AKAP6: variants seen among roughly 807,000 people sequenced by gnomAD.
AKAP6 encodes the protein A-kinase anchoring protein 6.
AKAP6 carries 58 observed loss-of-function variants against 188.5 expected under a neutral mutation model. The ratio of observed to expected loss-of-function variants is 0.31; its 90% CI spans 0.25 to 0.38. The LOEUF is 0.38. AKAP6 is among the 10% of genes least tolerant of loss of function. The probability of loss-of-function intolerance (pLI) is 1.00; values close to 1 mark genes in which losing one functional copy is unlikely to be tolerated. For missense variants in AKAP6, 2,710 were observed against 2,740.0 expected, an observed-to-expected ratio of 0.99 and a Z score of 0.24; for synonymous variants, 989 against 998.6, an observed-to-expected ratio of 0.99 and a Z score of 0.18.
intron 2 of AKAP6, among the ~76,000 whole-genome samples, chr14:32,466,659 A>G (rs899568659): frequency 1.3e-5 from 2 of 150,658 alleles, no homozygotes; most frequent in East Asian, 3.9e-4. Flanking sequence ...GGGTTGATAC[A>G]TGCAGCAAAC....
chr14:32,752,334 G>C (rs1031206336), intron 11 of AKAP6, among the ~76,000 whole-genome samples: 2 of 152,112 alleles, frequency 1.3e-5, no homozygotes, highest in Admixed American at 1.3e-4. Context: ...AGAGCAGGAG[G>C]GTGGTCTTGC....
At chr14:32,360,596 A>C (rs1007759803) in intron 1 of AKAP6, among the ~76,000 whole-genome samples, 9 of 151,904 alleles carry the variant, frequency 5.9e-5, no homozygotes, top group African/African-American at 2.2e-4. Flanking sequence ...TTATTTATTC[A>C]ATCGTTTATA....
intron 7 of AKAP6, among the ~76,000 whole-genome samples, chr14:32,623,461 C>T (rs986519455): frequency 6.6e-6 from 1 of 152,134 alleles, no homozygotes; most frequent in South Asian, 2.1e-4. Flanking sequence ...CATCCCCCTA[C>T]TTCTTACCCA....
intron 7 of AKAP6, among the ~76,000 whole-genome samples, chr14:32,619,449 T>C (rs1245535315): frequency 6.6e-6 from 1 of 152,212 alleles, no homozygotes; most frequent in African/African-American, 2.4e-5. Flanking sequence ...CAATTTATGT[T>C]TTTGAATGCT....
intron 7 of AKAP6, among the ~76,000 whole-genome samples, chr14:32,613,269 T>C (rs938037328): frequency 2.0e-5 from 3 of 152,214 alleles, no homozygotes; most frequent in South Asian, 2.1e-4. Context: ...ATTAGATAGA[T>C]GACGAGCAAA....
intron 3 of AKAP6, 133 bp downstream of exon 3, chr14:32,535,938 A>AC: frequency 5.2e-6 from 7 of 1,334,460 alleles, no homozygotes; most frequent in Non-Finnish European, 7.1e-6. Flanking sequence ...GAATCTAGGC[A>AC]TAGTGACTAG....
At position 32,776,363 on chromosome 14, in the gene AKAP6, C is replaced by T. The variant is rs1295764218; in HGVS notation, c.3588+2470C>T. On this transcript the variant is annotated intron_variant, in intron 12 of 13. Transcript: ENST00000280979. The stretch of plus-strand genomic sequence containing the variant: ...ATCTGATGGTTTTATAAGGGGAAAC[C>T]CCTTTCACTTGGTTGTCATTCTCTC... Among the ~76,000 whole-genome samples the T allele has an allele frequency of 3.3e-5, 5 of 152,078 alleles. No homozygotes were observed. In the South Asian group the frequency reaches 6.2e-4, roughly 19 times the overall value.
At chr14:32,341,038 C>T (rs527606081) in intron 1 of AKAP6, among the ~76,000 whole-genome samples, 3 of 152,228 alleles carry the variant, frequency 2.0e-5, no homozygotes, top group African/African-American at 7.2e-5. Context: ...TTATATTTCA[C>T]ACTTGTGTGT....
At chr14:32,406,446 G>A (rs1462686290) in intron 1 of AKAP6, among the ~76,000 whole-genome samples, 1 of 152,124 alleles carries the variant, frequency 6.6e-6, no homozygotes, top group Non-Finnish European at 1.5e-5. Flanking sequence ...CTGACCTCGT[G>A]ATCTGCCCAC....
intron 7 of AKAP6, among the ~76,000 whole-genome samples, chr14:32,655,119 G>A (rs1197853615): frequency 6.6e-6 from 1 of 152,116 alleles, no homozygotes; most frequent in Admixed American, 6.5e-5. Flanking sequence ...TTGACTATCA[G>A]GAGACGAGTG....
chr14:32,790,770 C>A (rs966087068), intron 12 of AKAP6, among the ~76,000 whole-genome samples: 2 of 151,942 alleles, frequency 1.3e-5, no homozygotes, highest in African/African-American at 4.8e-5. Context: ...TATCCCCTTG[C>A]CCCCCACTCC....
intron 2 of AKAP6, among the ~76,000 whole-genome samples, chr14:32,532,617 A>T (rs1476365290): frequency 6.6e-6 from 1 of 152,138 alleles, no homozygotes; most frequent in Non-Finnish European, 1.5e-5. Context: ...GTATTGCAGG[A>T]TGGTGTGGAG....
Position 32,545,941 on chromosome 14 carries a change from G to A in AKAP6, c.1288G>A (p.Asp430Asn), listed in dbSNP as rs145516811. The change falls in exon 4 of 14, where the codon GAT becomes AAT. Residue 430 changes from aspartate to asparagine, a missense_variant. Coordinates refer to ENST00000280979, the MANE Select transcript of AKAP6 (RefSeq NM_004274.5). ...EMSRSTPSLV[D>N]PPDRSKLCLV... is the part of the protein sequence containing the mutation. Reference sequence around the variant, plus strand: ...GAGCAGAAGCACCCCTTCGCTAGTAGATCCTCCTGACAGATCCAAACTTTG... The same window carrying A: ...GAGCAGAAGCACCCCTTCGCTAGTAAATCCTCCTGACAGATCCAAACTTTG... 23 of 1,614,078 alleles carry A rather than the reference G, an allele frequency of 1.4e-5. No individual in the cohort carries two copies. Among genetic ancestry groups the A allele is most frequent in the Non-Finnish European group, 1.9e-5 (23 of 1,180,036 alleles).
At chr14:32,453,389 T>C (rs1341681903) in intron 2 of AKAP6, among the ~76,000 whole-genome samples, 3 of 152,020 alleles carry the variant, frequency 2.0e-5, no homozygotes, top group Non-Finnish European at 4.4e-5. Context: ...GGTGGCGGGA[T>C]TTTTTCTCTA....
Position 32,833,878 on chromosome 14 carries a change from A to G in AKAP6, c.*4073A>G, listed in dbSNP as rs1322769202. 6.6e-6 allele frequency: 1 copy of G among 152,180 alleles called. No homozygotes were observed. The highest frequency in any genetic ancestry group is 1.5e-5 in the Non-Finnish European group (1 of 68,030). The allele number at this position is 152,180 out of a possible 1,614,324, so 9.4% of individuals were successfully genotyped here. ...AATTCAGACCTATGTAAAAGTTGAGAGTAGAACAAAGATACTTGGTACTCA... is the reference window on the plus strand; with the variant it reads ...AATTCAGACCTATGTAAAAGTTGAGGGTAGAACAAAGATACTTGGTACTCA... On this transcript the variant is annotated 3_prime_UTR_variant, in exon 14 of 14. Coordinates refer to ENST00000280979, the MANE Select transcript of AKAP6 (RefSeq NM_004274.5).
chr14:32,538,245 G>C (rs942011710), intron 3 of AKAP6, among the ~76,000 whole-genome samples: 3 of 152,084 alleles, frequency 2.0e-5, no homozygotes, highest in Admixed American at 6.5e-5. Flanking sequence ...TAAAAAGCAG[G>C]AAGATAATTA....
At chr14:32,617,244 T>C (rs182739134) in intron 7 of AKAP6, among the ~76,000 whole-genome samples, 2 of 152,276 alleles carry the variant, frequency 1.3e-5, no homozygotes, top group Non-Finnish European at 2.9e-5. Context: ...GTTTATCTTT[T>C]GTTGCTATGC....
At chr14:32,739,180 AG>A in intron 11 of AKAP6, among the ~76,000 whole-genome samples, 1 of 151,410 alleles carries the variant, frequency 6.6e-6, no homozygotes, top group East Asian at 1.9e-4. Context: ...CACCATCCTG[AG>A]ACATATTATA....
intron 11 of AKAP6, among the ~76,000 whole-genome samples, chr14:32,761,543 G>T (rs1437280762): frequency 6.6e-6 from 1 of 152,104 alleles, no homozygotes; most frequent in Admixed American, 6.6e-5. Context: ...AAAATACCAT[G>T]CAGCAGGGTT....
Sources: gnomAD v4.1 joint callset for allele counts (sites outside exome capture counted in the v4.1 genomes callset) on GRCh38, gnomAD v4.1.1 for gene constraint, MANE v1.5 for transcripts, NCBI Gene and HGNC (gene_info 2026-07-23, HGNC 2026-07-21) for gene names.